GCAT: variants seen among roughly 807,000 people sequenced by gnomAD.
The protein encoded by GCAT is 2-amino-3-ketobutyrate coenzyme A ligase, mitochondrial.
In GCAT, 26 loss-of-function variants were observed where a neutral mutation model predicts 39.7. The observed-to-expected ratio is 0.65, with a 90% CI of 0.48 to 0.91. The LOEUF (loss-of-function observed/expected upper bound fraction) is 0.91. Ranked by LOEUF, GCAT falls within the 40% of genes least tolerant of loss-of-function variation. The pLI, the probability that GCAT is intolerant of heterozygous loss-of-function variation, is 0.00. For synonymous variants in GCAT, 218 were observed against 237.2 expected (o/e 0.92, Z 0.74); for missense variants, 550 against 576.2 (o/e 0.95, Z 0.47).
At chr22:37,814,605 G>A (rs967644084) in intron 4 of GCAT, among the ~76,000 whole-genome samples, 2 of 151,894 alleles carry the variant, frequency 1.3e-5, no homozygotes, top group Non-Finnish European at 2.9e-5. Context: ...TAATGCTCAG[G>A]CTAGTCTTGA....
At chr22:37,815,055 A>G (rs1601701803) in intron 4 of GCAT, 71 bp from the exon 5 acceptor site, 2 of 1,509,792 alleles carry the variant, frequency 1.3e-6, no homozygotes, top group East Asian at 4.5e-5. Context: ...TCAGAGCTCC[A>G]AGCAGCACAA....
Position 37,810,016 on chromosome 22 carries a change from C to G in GCAT, c.197-11C>G. ...TGAGCTGCTGTATCCATCTCCTCTC[C>G]TTCACCTCAGGAATCCTTAACTTCT... On this transcript the variant is annotated splice_polypyrimidine_tract_variant and intron_variant, in intron 1 of 8. Coordinates refer to ENST00000248924, the MANE Select transcript of GCAT (RefSeq NM_014291.4). The G allele has an allele frequency of 6.2e-7, 1 of 1,613,852 alleles. No homozygotes were observed. The highest frequency in any genetic ancestry group is 2.2e-5 in the East Asian group (1 of 44,884).
rs775900171 is a variant in GCAT, at chr22:37,808,005, G to A, written c.38G>A (p.Trp13Ter). 215 of 1,544,022 alleles carry A rather than the reference G, an allele frequency of 1.4e-4. 2 individuals carry two copies. In the Middle Eastern group the frequency reaches 1.9e-3, roughly 13 times the overall value. The change falls in exon 1 of 9, where the codon TGG (tryptophan) becomes TAG (stop). Residue 13 changes from tryptophan (W) to a stop codon, truncating the protein, a stop_gained. Transcript: ENST00000248924. LOFTEE classifies it high-confidence loss of function. ...AACGCCTGGCGCGCCGCACTCTTCT[G>A]GGTGCCCCGCGGCCGCCGCGCACAG... ...PGNAWRAALF[W>*]VPRGRRAQSA...
chr22:37,813,381 T>G, intron 3 of GCAT, 82 bp from the exon 4 acceptor site: 1 of 1,448,030 alleles, frequency 6.9e-7, no homozygotes, highest in Non-Finnish European at 9.5e-7. Flanking sequence ...GGCAGTACAG[T>G]TTTTTGATTT....
intron 2 of GCAT, among the ~76,000 whole-genome samples, chr22:37,812,370 C>G (rs1262844487): frequency 6.6e-6 from 1 of 151,982 alleles, no homozygotes; most frequent in Non-Finnish European, 1.5e-5. Flanking sequence ...AGTCTGTGCT[C>G]CTGACTACTT....
intron 2 of GCAT, 21 bp downstream of exon 2, chr22:37,810,178 G>C: frequency 6.4e-7 from 1 of 1,566,104 alleles, no homozygotes; most frequent in Non-Finnish European, 8.8e-7. Flanking sequence ...AGTGGTGGGG[G>C]GTTGTGGGGA....
chr22:37,808,186 G>C lies in GCAT; in HGVS notation c.196+23G>C, dbSNP rs1286742401. ...GAGGTAACGCTCCGTTCCGGGAGTC[G>C]TTCCAAGACCTTTCCCGAGCTTGCG... On this transcript the variant is annotated intron_variant, in intron 1 of 8. Coordinates refer to ENST00000248924, the MANE Select transcript of GCAT (RefSeq NM_014291.4). The C allele has an allele frequency of 4.8e-6, 7 of 1,449,508 alleles. No individual in the cohort carries two copies. The East Asian group carries it at 2.0e-4, about 41-fold the overall frequency. 89.8% of individuals were successfully genotyped at this position (1,449,508 alleles called of 1,614,324 possible). A position where few individuals can be genotyped will look rare whatever the true frequency, so the allele number is the denominator to read the frequency against.
intron 1 of GCAT, 68 bp from the exon 2 acceptor site, chr22:37,809,959 T>C: frequency 6.3e-7 from 1 of 1,589,772 alleles, no homozygotes; most frequent in Non-Finnish European, 8.6e-7. Flanking sequence ...GGCCTGGCAC[T>C]GTCATCTTTC....
In GCAT at chr22:37,814,987, C is replaced by T. The variant is rs533411506; in HGVS notation, c.577-139C>T. The T allele has an allele frequency of 1.5e-4, 106 of 729,474 alleles. 1 individual carries two copies. In the South Asian group the frequency reaches 1.6e-3, roughly 11 times the overall value. 45.2% of individuals were successfully genotyped at this position (729,474 alleles called of 1,614,324 possible). The stretch of plus-strand genomic sequence containing the variant: ...GATGAGGGAGAGGATGTTCCAGCCC[C>T]CAAGATGGTGGTACCTCTGTGCCCA... On this transcript the variant is annotated intron_variant, in intron 4 of 8. Transcript: ENST00000248924.
intron 8 of GCAT, 29 bp downstream of exon 8, chr22:37,816,350 G>T: frequency 1.9e-6 from 3 of 1,605,746 alleles, no homozygotes; most frequent in Non-Finnish European, 2.5e-6. Context: ...GGGAACTGGT[G>T]GTGGGTCCTG....
intron 1 of GCAT, 116 bp downstream of exon 1, chr22:37,808,279 T>C (rs915020760): frequency 6.1e-5 from 48 of 788,280 alleles, no homozygotes; most frequent in Admixed American, 1.2e-4. Flanking sequence ...CCCCTTCGCA[T>C]CTCTCAGGGC....
Position 37,813,627 on chromosome 22 carries a change from T to TC in GCAT, c.576+20dup. On this transcript the variant is annotated intron_variant, in intron 4 of 8. Coordinates refer to ENST00000248924, the MANE Select transcript of GCAT (RefSeq NM_014291.4). The stretch of plus-strand genomic sequence containing the variant: ...AGGCCCAGGTGGGGCGACGCCTGGG[T>TC]CCACCCTCAGCCTCCGCCTGGGGAA... 1 of 1,587,948 alleles carries TC rather than the reference T, an allele frequency of 6.3e-7. No homozygotes were observed. Among genetic ancestry groups the TC allele is most frequent in the African/African-American group, 1.3e-5 (1 of 74,640 alleles).
At chr22:37,812,331 C>T (rs1179439665) in intron 2 of GCAT, among the ~76,000 whole-genome samples, 1 of 151,914 alleles carries the variant, frequency 6.6e-6, no homozygotes, top group Non-Finnish European at 1.5e-5. Context: ...GACAGAGAAT[C>T]CCTGTCTCAT....
chr22:37,813,348 C>CGGGTAA, intron 3 of GCAT, 115 bp from the exon 4 acceptor site: 2 of 1,183,286 alleles, frequency 1.7e-6, no homozygotes, highest in Non-Finnish European at 2.5e-6. Flanking sequence ...CCTTGCCTCT[C>CGGGTAA]TACCCAGAGG....
rs1004985797 is a variant in GCAT, at chr22:37,808,774, C to G, written c.196+611C>G. Reference sequence around the variant, plus strand: ...AGATCTCGGTTCACTGCAACCTCTGCCTCCCGGGTTCAAGCGATTTTCATG... The same window carrying G: ...AGATCTCGGTTCACTGCAACCTCTGGCTCCCGGGTTCAAGCGATTTTCATG... On this transcript the variant is annotated intron_variant, in intron 1 of 8. Transcript: ENST00000248924. Among the ~76,000 whole-genome samples, 4 of 152,232 alleles carry G rather than the reference C, an allele frequency of 2.6e-5. No homozygotes were observed. In the East Asian group the frequency reaches 7.7e-4, roughly 29 times the overall value.
chr22:37,814,174 C>T (rs1601700679), intron 4 of GCAT, among the ~76,000 whole-genome samples: 1 of 152,154 alleles, frequency 6.6e-6, no homozygotes, highest in African/African-American at 2.4e-5. Context: ...AGTCATAGCT[C>T]ACTGCAGCCT....
intron 2 of GCAT, 43 bp from the exon 3 acceptor site, chr22:37,812,844 T>G: frequency 7.4e-7 from 1 of 1,352,644 alleles, no homozygotes; most frequent in Non-Finnish European, 1.1e-6. Flanking sequence ...TTGTCCCACA[T>G]GACCCCACAG....
intron 2 of GCAT, among the ~76,000 whole-genome samples, chr22:37,812,339 C>T (rs1297010858): frequency 1.3e-5 from 2 of 151,610 alleles, no homozygotes; most frequent in African/African-American, 4.8e-5. Context: ...ATCCCTGTCT[C>T]ATTTGCCAAA....
rs1216628155 is a variant in GCAT, at chr22:37,807,948, G to T, written c.-20G>T. 6.8e-7 allele frequency: 1 copy of T among 1,472,396 alleles called. No homozygotes were observed. The highest frequency in any genetic ancestry group is 8.9e-7 in the Non-Finnish European group (1 of 1,118,798). The allele number at this position is 1,472,396 out of a possible 1,614,324, so 91.2% of individuals were successfully genotyped here. On this transcript the variant is annotated 5_prime_UTR_variant, in exon 1 of 9. Transcript: ENST00000248924. ...GCACGGCTCCCAGGCAGGCAGGCGC[G>T]CTCGGGCGAGGTAGGAGCGATGTGG... is the stretch of plus-strand genomic sequence containing the variant.
Sources: gnomAD v4.1 joint callset for allele counts (sites outside exome capture counted in the v4.1 genomes callset) on GRCh38, gnomAD v4.1.1 for gene constraint, MANE v1.5 for transcripts, NCBI Gene and HGNC (gene_info 2026-07-23, HGNC 2026-07-21) for gene names.